The following HAUS2 variants were observed in gnomAD, a reference collection of about 807,000 sequenced individuals.
HAUS2 encodes HAUS augmin-like complex subunit 2.
In HAUS2, 20 loss-of-function variants were observed where a neutral mutation model predicts 21.6. The observed-to-expected ratio is 0.93, with a 90% CI of 0.65 to 1.35. The LOEUF is 1.35. Among genes scored for constraint, HAUS2 ranks in the 40% most tolerant of loss-of-function variants. The pLI is 0.00. For missense variants in HAUS2, 297 were observed against 280.7 expected (o/e 1.06, Z -0.42); for synonymous variants, 113 against 95.6 (o/e 1.18, Z -1.06).
intron 5 of HAUS2, among the ~76,000 whole-genome samples, chr15:42,564,832 T>G (rs180871110): frequency 5.9e-5 from 9 of 152,234 alleles, no homozygotes; most frequent in African/African-American, 2.2e-4. Context: ...AGCTGAATCT[T>G]TATTTATTTA....
intron 5 of HAUS2, among the ~76,000 whole-genome samples, chr15:42,564,067 A>T (rs943459418): frequency 6.6e-6 from 1 of 152,036 alleles, no homozygotes; most frequent in Non-Finnish European, 1.5e-5. Context: ...GGAGTTGGAG[A>T]CCAGCCTGGC....
intron 1 of HAUS2, among the ~76,000 whole-genome samples, chr15:42,550,115 A>G (rs1250722208): frequency 3.3e-5 from 5 of 152,130 alleles, no homozygotes; most frequent in African/African-American, 1.2e-4. Flanking sequence ...ATCAGCACAT[A>G]TTAGCCGGCA....
chr15:42,563,112 C>CA (rs1250346160), intron 4 of HAUS2, among the ~76,000 whole-genome samples: 5,113 of 104,340 alleles, frequency 0.049, 95 homozygotes, highest in Middle Eastern at 0.12. Flanking sequence ...GACTCTGTCT[C>CA]AAAAAAAAAA....
chr15:42,563,903 T>A, intron 5 of HAUS2, 46 bp downstream of exon 5: 1 of 874,512 alleles, frequency 1.1e-6, no homozygotes, highest in Non-Finnish European at 1.9e-6. Context: ...ACTAGAAACT[T>A]AGAGGTGTGC....
At chr15:42,560,614 G>A (rs2057839250) in intron 3 of HAUS2, among the ~76,000 whole-genome samples, 1 of 150,544 alleles carries the variant, frequency 6.6e-6, no homozygotes, top group African/African-American at 2.5e-5. Context: ...ATAGCTTGTA[G>A]GATGACTTTT....
intron 1 of HAUS2, among the ~76,000 whole-genome samples, chr15:42,557,071 T>C (rs1040965224): frequency 2.0e-5 from 3 of 150,206 alleles, no homozygotes; most frequent in African/African-American, 7.4e-5. Flanking sequence ...TCGCAGCATT[T>C]TGGGAGGCCT....
chr15:42,568,467 C>A lies in HAUS2; in HGVS notation c.*1651C>A, dbSNP rs1374511583. On this transcript the variant is annotated 3_prime_UTR_variant, in exon 6 of 6. Coordinates refer to ENST00000260372, the MANE Select transcript of HAUS2 (RefSeq NM_018097.3). ...CTAATTCATTAATGAGGGCAAAGCC[C>A]TCCTTACCTAATTACTTTTTAAAGG... 6.6e-6 allele frequency: 1 copy of A among 152,240 alleles called. No homozygotes were observed. The highest frequency in any genetic ancestry group is 1.5e-5 in the Non-Finnish European group (1 of 68,050). 9.4% of individuals were successfully genotyped at this position (152,240 alleles called of 1,614,324 possible).
chr15:42,557,229 T>C (rs2057787766), intron 1 of HAUS2, among the ~76,000 whole-genome samples: 1 of 140,928 alleles, frequency 7.1e-6, no homozygotes, highest in Admixed American at 8.0e-5. Flanking sequence ...GGCAGGAGAA[T>C]GGCATGAACC....
Position 42,549,808 on chromosome 15 carries a change from A to G in HAUS2, c.93+843A>G, listed in dbSNP as rs577948548. Among the ~76,000 whole-genome samples the G allele has an allele frequency of 7.9e-4, 119 of 151,576 alleles. 1 individual carries two copies. Among genetic ancestry groups the G allele is most frequent in the African/African-American group, 2.8e-3 (115 of 41,282 alleles). On this transcript the variant is annotated intron_variant, in intron 1 of 5. Coordinates refer to ENST00000260372, the MANE Select transcript of HAUS2 (RefSeq NM_018097.3). ...AAAAAAAGTATTGGCTAAAAAGATAAGACCTTGGAACGTGAATGGAGGAAG... is the reference window on the plus strand; with the variant it reads ...AAAAAAAGTATTGGCTAAAAAGATAGGACCTTGGAACGTGAATGGAGGAAG...
chr15:42,557,702 T>G (rs922558968), intron 1 of HAUS2, among the ~76,000 whole-genome samples: 4 of 151,734 alleles, frequency 2.6e-5, no homozygotes, highest in Non-Finnish European at 4.4e-5. Context: ...TGGATACAAA[T>G]AATCCTTTAA....
Position 42,556,122 on chromosome 15 carries a change from A to T in HAUS2, c.94-2076A>T, listed in dbSNP as rs1399258524. Among the ~76,000 whole-genome samples the T allele has an allele frequency of 5.2e-5, 7 of 133,568 alleles. No homozygotes were observed. In the East Asian group the frequency reaches 1.3e-3, roughly 24 times the overall value. The allele number at this position is 133,568 out of a possible 152,430, so 87.6% of individuals were successfully genotyped here. A position where few individuals can be genotyped will look rare whatever the true frequency, so the allele number is the denominator to read the frequency against. ...AGGCGCCTGCCACCACGCCTGGCTA[A>T]TTTTTTTTTTTTTTTTTTGAATAGA... On this transcript the variant is annotated intron_variant, in intron 1 of 5. Transcript: ENST00000260372.
chr15:42,568,690 C>G lies in HAUS2; in HGVS notation c.*1874C>G, dbSNP rs1442906473. On this transcript the variant is annotated 3_prime_UTR_variant, in exon 6 of 6. Transcript: ENST00000260372. ...GGTAGGTAGAAGGTACCTACGTGAC[C>G]AGCCCCCAGTAAAAACCCTGGGCAC... The G allele has an allele frequency of 6.6e-6, 1 of 152,108 alleles. No individual in the cohort carries two copies. Among genetic ancestry groups the G allele is most frequent in the East Asian group, 1.9e-4 (1 of 5,190 alleles). The allele number at this position is 152,108 out of a possible 1,614,324, so 9.4% of individuals were successfully genotyped here. A position where few individuals can be genotyped will look rare whatever the true frequency, so the allele number is the denominator to read the frequency against.
At position 42,561,337 on chromosome 15, in the gene HAUS2, C is replaced by G. The variant is rs773724583; in HGVS notation, c.324C>G (p.Ser108=). The G allele has an allele frequency of 6.3e-7, 1 of 1,576,448 alleles. No homozygotes were observed. Among genetic ancestry groups the G allele is most frequent in the East Asian group, 2.2e-5 (1 of 44,644 alleles). The change falls in exon 4 of 6, where the codon TCC becomes TCG. Residue 108 remains serine, a synonymous_variant. Coordinates refer to ENST00000260372, the MANE Select transcript of HAUS2 (RefSeq NM_018097.3). ...AAGCAGTGCTGAAAGAGAAGAGATC[C>G]CTTAGGCAAAGACTGTTGAAACCCA... The part of the protein sequence containing the change: ...HLEAVLKEKR[S]LRQRLLKPMC...
At position 42,561,253 on chromosome 15, in the gene HAUS2, T is replaced by G. The variant is rs753703810; in HGVS notation, c.257-17T>G. ...GTCCTATTGCTAACTATAATTACTGTTTTTTAATTTGTATAGCTCAGAAGT... is the reference window on the plus strand; with the variant it reads ...GTCCTATTGCTAACTATAATTACTGGTTTTTAATTTGTATAGCTCAGAAGT... On this transcript the variant is annotated splice_polypyrimidine_tract_variant and intron_variant, in intron 3 of 5. Transcript: ENST00000260372. 3.4e-5 allele frequency: 50 copies of G among 1,484,234 alleles called. No individual in the cohort carries two copies. Among genetic ancestry groups the G allele is most frequent in the Admixed American group, 2.1e-4 (12 of 58,370 alleles). The allele number at this position is 1,484,234 out of a possible 1,614,324, so 91.9% of individuals were successfully genotyped here. A position where few individuals can be genotyped will look rare whatever the true frequency, so the allele number is the denominator to read the frequency against.
intron 1 of HAUS2, among the ~76,000 whole-genome samples, chr15:42,555,385 C>T (rs1341158285): frequency 7.2e-5 from 11 of 152,168 alleles, no homozygotes; most frequent in Admixed American, 7.2e-4. Context: ...CTGCTTTAGC[C>T]TTCCAGAGTG....
intron 4 of HAUS2, among the ~76,000 whole-genome samples, chr15:42,562,467 T>C (rs550057799): frequency 1.3e-5 from 2 of 152,254 alleles, no homozygotes; most frequent in East Asian, 1.9e-4. Context: ...TGGTGGCACA[T>C]GCCTGTAATA....
chr15:42,551,176 C>T lies in HAUS2; in HGVS notation c.93+2211C>T, dbSNP rs184338485. Among the ~76,000 whole-genome samples the T allele has an allele frequency of 3.0e-4, 46 of 151,212 alleles. No individual in the cohort carries two copies. In the East Asian group the frequency reaches 6.9e-3, roughly 23 times the overall value. On this transcript the variant is annotated intron_variant, in intron 1 of 5. Transcript: ENST00000260372. The stretch of plus-strand genomic sequence containing the variant: ...CTAATTTTCATATTTTCAGTAGAGA[C>T]GGGGTTTCACCATTTTGGCCAGGGT...
At position 42,568,072 on chromosome 15, in the gene HAUS2, G is replaced by T. The variant is rs1344458930; in HGVS notation, c.*1256G>T. On this transcript the variant is annotated 3_prime_UTR_variant, in exon 6 of 6. Transcript: ENST00000260372. ...GAAGGGTCTTCTTGAATCTGAAAAT[G>T]TCTATGATGATTATTCCTGTGGGAA... The T allele has an allele frequency of 2.0e-5, 3 of 151,626 alleles. No individual in the cohort carries two copies. The highest frequency in any genetic ancestry group is 4.4e-5 in the Non-Finnish European group (3 of 68,000). The allele number at this position is 151,626 out of a possible 1,614,324, so 9.4% of individuals were successfully genotyped here.
Position 42,558,435 on chromosome 15 carries a change from C to G in HAUS2, c.186+145C>G, listed in dbSNP as rs1212736903. On this transcript the variant is annotated intron_variant, in intron 2 of 5. Coordinates refer to ENST00000260372, the MANE Select transcript of HAUS2 (RefSeq NM_018097.3). ...CTCCGCCTCCCAGGTTCACGCCGTT[C>G]TTCTGCCTCAGCCTCATGAGTAGGT... The G allele has an allele frequency of 5.7e-6, 3 of 527,488 alleles. No individual in the cohort carries two copies. In the African/African-American group the frequency reaches 6.1e-5, roughly 11 times the overall value. The allele number at this position is 527,488 out of a possible 1,614,324, so 32.7% of individuals were successfully genotyped here. A position where few individuals can be genotyped will look rare whatever the true frequency, so the allele number is the denominator to read the frequency against.
Sources: allele counts gnomAD v4.1 joint callset (sites outside exome capture counted in the v4.1 genomes callset), GRCh38; gene constraint gnomAD v4.1.1; transcripts MANE v1.5; gene names NCBI Gene and HGNC (gene_info 2026-07-23, HGNC 2026-07-21).